Variants in AOPEP observed in about 807,000 individuals in gnomAD.
AOPEP encodes the protein aminopeptidase O.
In AOPEP, 77 loss-of-function variants were observed where a neutral mutation model predicts 98.1. The ratio of observed to expected loss-of-function variants is 0.78; its 90% CI spans 0.65 to 0.95. The LOEUF is 0.95. Ranked by LOEUF, AOPEP falls within the 40% of genes least tolerant of loss-of-function variation. The probability of loss-of-function intolerance (pLI) is 0.00; values close to 1 mark genes in which losing one functional copy is unlikely to be tolerated. For missense variants in AOPEP, 1,024 were observed against 1,024.7 expected (o/e 1.00, Z 0.01); for synonymous variants, 346 against 365.3 (o/e 0.95, Z 0.60).
chr9:95,064,912 A>G (rs1263837173), intron 14 of AOPEP, among the ~76,000 whole-genome samples: 2 of 152,222 alleles, frequency 1.3e-5, no homozygotes, highest in Non-Finnish European at 2.9e-5. Context: ...AGATTCTAAA[A>G]TTGATCCATA....
At chr9:94,995,197 GT>G (rs983218737) in intron 11 of AOPEP, among the ~76,000 whole-genome samples, 3 of 152,120 alleles carry the variant, frequency 2.0e-5, no homozygotes, top group Non-Finnish European at 4.4e-5. Flanking sequence ...CTGTGTGCTT[GT>G]CAGGCCAGGC....
the AOPEP span, among the ~76,000 whole-genome samples, chr9:95,093,923 C>T: frequency 6.6e-5 from 10 of 152,212 alleles, no homozygotes; most frequent in African/African-American, 2.4e-4. Flanking sequence ...GCATTTCCTC[C>T]TCTGTAAGCT....
At chr9:94,918,508 G>A (rs1195627099) in intron 5 of AOPEP, among the ~76,000 whole-genome samples, 4 of 152,204 alleles carry the variant, frequency 2.6e-5, no homozygotes, top group Admixed American at 6.5e-5. Context: ...AGAAGCCACA[G>A]GTCTAAACCC....
intron 1 of AOPEP, among the ~76,000 whole-genome samples, chr9:94,744,111 G>A (rs1833880897): frequency 6.6e-6 from 1 of 151,548 alleles, no homozygotes; most frequent in African/African-American, 2.4e-5. Context: ...AATAAGATAT[G>A]GGGCTGTGCG....
chr9:94,790,790 C>T (rs1411685155), intron 3 of AOPEP, among the ~76,000 whole-genome samples: 2 of 151,974 alleles, frequency 1.3e-5, no homozygotes, highest in Non-Finnish European at 2.9e-5. Context: ...TAAAAAATGT[C>T]ATGTTAGGTC....
chr9:95,019,084 C>T (rs192582678), intron 13 of AOPEP: 23 of 152,204 alleles, frequency 1.5e-4, no homozygotes, highest in Non-Finnish European at 1.5e-5. Flanking sequence ...CTTCAGCCGG[C>T]AGCAAGTATA....
intron 9 of AOPEP, among the ~76,000 whole-genome samples, chr9:94,965,616 A>G (rs2059138855): frequency 6.6e-6 from 1 of 152,248 alleles, no homozygotes; most frequent in South Asian, 2.1e-4. Flanking sequence ...TCACAGTTAA[A>G]TGGGTCTCAT....
chr9:95,001,760 T>A (rs1589222936), intron 11 of AOPEP, among the ~76,000 whole-genome samples: 1 of 152,216 alleles, frequency 6.6e-6, no homozygotes, highest in East Asian at 1.9e-4. Flanking sequence ...TTCAATTTTT[T>A]AAAATTTATC....
chr9:95,101,539 A>G, the AOPEP span: 3 of 826,922 alleles, frequency 3.6e-6, no homozygotes, highest in Middle Eastern at 3.5e-4. Flanking sequence ...CTGGCTCTGC[A>G]TTTTGTAAAA....
At chr9:94,754,070 A>G (rs1456100864) in intron 1 of AOPEP, among the ~76,000 whole-genome samples, 3 of 152,230 alleles carry the variant, frequency 2.0e-5, no homozygotes, top group African/African-American at 7.2e-5. Context: ...ATACATCAAC[A>G]TGTCTATATT....
At chr9:94,926,022 A>G (rs2054261459) in intron 6 of AOPEP, among the ~76,000 whole-genome samples, 1 of 152,128 alleles carries the variant, frequency 6.6e-6, no homozygotes, top group South Asian at 2.1e-4. Context: ...TTTAATATGA[A>G]CGTGCCTCTA....
chr9:94,776,392 T>A (rs1252800114), intron 3 of AOPEP, among the ~76,000 whole-genome samples: 1 of 152,056 alleles, frequency 6.6e-6, no homozygotes, highest in Non-Finnish European at 1.5e-5. Flanking sequence ...ACCTCTGCTT[T>A]CCGGGTTCAA....
intron 5 of AOPEP, among the ~76,000 whole-genome samples, chr9:94,817,894 T>A (rs1012436627): frequency 1.3e-5 from 2 of 152,170 alleles, no homozygotes; most frequent in African/African-American, 4.8e-5. Context: ...GAGAAAACAG[T>A]TCCCAGCCAG....
intron 11 of AOPEP, chr9:95,004,172 G>A (rs1052906652): frequency 8.8e-6 from 4 of 454,716 alleles, no homozygotes; most frequent in African/African-American, 8.0e-5. Flanking sequence ...AGGACAACCC[G>A]ACTCTCCGCC....
chr9:95,004,794 C>T (rs2061823786), intron 11 of AOPEP, among the ~76,000 whole-genome samples: 1 of 144,644 alleles, frequency 6.9e-6, no homozygotes, highest in South Asian at 2.1e-4. Flanking sequence ...CGCGGGGGCG[C>T]GGGGCGGCCG....
chr9:94,819,831 C>T (rs11791048), intron 5 of AOPEP, among the ~76,000 whole-genome samples: 1 of 151,848 alleles, frequency 6.6e-6, no homozygotes, highest in Non-Finnish European at 1.5e-5. Flanking sequence ...CCTTGGCCTT[C>T]TGAAGTGCTG....
At position 94,800,969 on chromosome 9, in the gene AOPEP, T is replaced by C; in HGVS notation, c.1331T>C (p.Val444Ala). 1 of 1,614,226 alleles carries C rather than the reference T, an allele frequency of 6.2e-7. No homozygotes were observed. Among genetic ancestry groups the C allele is most frequent in the Admixed American group, 1.7e-5 (1 of 60,030 alleles). The change falls in exon 5 of 17, where the codon GTC (valine) becomes GCC (alanine). Residue 444 changes from valine to alanine, a missense_variant. Transcript: ENST00000375315. ...TTCTCTCGGCTGGATGTTCTCATCG[T>C]CCCTGCCAACTTTCCAAGTCTGGGG... ...HPFSRLDVLIVPANFPSLGMA... is the reference protein window; with the variant it reads ...HPFSRLDVLIAPANFPSLGMA...
At chr9:94,927,497 C>T (rs1588927299) in intron 6 of AOPEP, among the ~76,000 whole-genome samples, 2 of 152,172 alleles carry the variant, frequency 1.3e-5, no homozygotes, top group African/African-American at 2.4e-5. Context: ...CCTGGCCCGA[C>T]GTGCCTTGCA....
rs533255461 is a variant in AOPEP, at chr9:94,781,957, C to T, written c.964+8789C>T. 6.0e-5 allele frequency among the ~76,000 whole-genome samples: 9 copies of T among 150,540 alleles called. No homozygotes were observed. The South Asian group carries it at 1.5e-3, about 25-fold the overall frequency. On this transcript the variant is annotated intron_variant, in intron 3 of 16. Coordinates refer to ENST00000375315, the MANE Select transcript of AOPEP (RefSeq NM_001193329.3). ...CTGTAATCCCAGCACTTTGGGAGGC[C>T]GAGGCGGGCGGATCACGAGGTCAGG...
Sources: gnomAD v4.1 joint callset for allele counts (sites outside exome capture counted in the v4.1 genomes callset) on GRCh38, gnomAD v4.1.1 for gene constraint, MANE v1.5 for transcripts, NCBI Gene and HGNC (gene_info 2026-07-23, HGNC 2026-07-21) for gene names.